Variants in HPSE2 observed in about 807,000 individuals in gnomAD.
HPSE2 encodes heparanase 2 (inactive).
Under a neutral mutation model 60.5 loss-of-function variants are expected in HPSE2, and 38 were observed. That is an observed-to-expected ratio of 0.63 (90% CI 0.48 to 0.82). The LOEUF (loss-of-function observed/expected upper bound fraction) is 0.82, where lower values mean the gene tolerates loss of function less well. Ranked by LOEUF, HPSE2 falls within the 40% of genes least tolerant of loss-of-function variation. The probability of loss-of-function intolerance (pLI) is 0.00; values close to 1 mark genes in which losing one functional copy is unlikely to be tolerated. For missense variants in HPSE2, 713 were observed against 740.4 expected (o/e 0.96, Z 0.43); for synonymous variants, 295 against 293.2 (o/e 1.01, Z -0.06).
chr10:98,802,782 C>T (rs1410974082), intron 3 of HPSE2, among the ~76,000 whole-genome samples: 15 of 140,660 alleles, frequency 1.1e-4, no homozygotes, highest in Admixed American at 3.6e-4. Flanking sequence ...AATAAACATA[C>T]GTGTGCATGT....
intron 5 of HPSE2, among the ~76,000 whole-genome samples, chr10:98,694,429 C>G (rs968598756): frequency 6.6e-5 from 10 of 152,144 alleles, no homozygotes; most frequent in African/African-American, 2.4e-4. Context: ...TAAAAAGTAC[C>G]ATCAAATATG....
intron 3 of HPSE2, among the ~76,000 whole-genome samples, chr10:99,073,292 G>A (rs1842857219): frequency 6.6e-6 from 1 of 152,154 alleles, no homozygotes; most frequent in Non-Finnish European, 1.5e-5. Context: ...ATACTATGCA[G>A]CCATAAAAAG....
intron 3 of HPSE2, among the ~76,000 whole-genome samples, chr10:98,816,993 C>T (rs1449117707): frequency 6.6e-6 from 1 of 151,998 alleles, no homozygotes; most frequent in East Asian, 1.9e-4. Context: ...ACAAAGAGCC[C>T]CTTGTGCTCT....
intron 7 of HPSE2, among the ~76,000 whole-genome samples, chr10:98,636,352 G>A (rs967330521): frequency 2.0e-5 from 3 of 151,766 alleles, no homozygotes; most frequent in Non-Finnish European, 4.4e-5. Flanking sequence ...TGATTCTCCT[G>A]CCTCAGCCAC....
At chr10:98,827,630 C>G (rs954303302) in intron 3 of HPSE2, among the ~76,000 whole-genome samples, 2 of 152,132 alleles carry the variant, frequency 1.3e-5, no homozygotes, top group African/African-American at 2.4e-5. Flanking sequence ...AAAGGGGAAA[C>G]AGTAATGGTA....
intron 11 of HPSE2, among the ~76,000 whole-genome samples, chr10:98,467,816 G>A (rs1372655693): frequency 6.6e-6 from 1 of 152,272 alleles, no homozygotes; most frequent in Non-Finnish European, 1.5e-5. Context: ...TTGCGGTCCC[G>A]TTGGCAAGGG....
At chr10:99,081,445 C>A (rs539995021) in intron 3 of HPSE2, among the ~76,000 whole-genome samples, 2 of 152,136 alleles carry the variant, frequency 1.3e-5, no homozygotes, top group South Asian at 4.2e-4. Context: ...ATCTGCAAAA[C>A]AGGAATAATG....
chr10:99,272,592 C>G, the HPSE2 span, among the ~76,000 whole-genome samples: 6 of 151,756 alleles, frequency 4.0e-5, no homozygotes, highest in African/African-American at 1.5e-4. Context: ...AAAAAAATCC[C>G]ATCAAAAAGT....
At chr10:98,742,974 C>CTTTTTTTT (rs35772316) in intron 4 of HPSE2, among the ~76,000 whole-genome samples, 1 of 99,780 alleles carries the variant, frequency 1.0e-5, no homozygotes, top group Non-Finnish European at 2.1e-5. Flanking sequence ...CTTTTCTTTT[C>CTTTTTTTT]TTTTTTTTTT....
chr10:98,464,224 A>AT (rs1029780428), intron 11 of HPSE2, among the ~76,000 whole-genome samples: 3 of 152,140 alleles, frequency 2.0e-5, no homozygotes, highest in Non-Finnish European at 4.4e-5. Context: ...TTCCCAATAG[A>AT]TTTTTTTTGG....
chr10:99,198,871 C>T (rs566454977), intron 2 of HPSE2, among the ~76,000 whole-genome samples: 1 of 152,186 alleles, frequency 6.6e-6, no homozygotes, highest in African/African-American at 2.4e-5. Flanking sequence ...TACCTGGAAA[C>T]CACCATTCTA....
At chr10:98,962,552 T>C (rs566024028) in intron 3 of HPSE2, among the ~76,000 whole-genome samples, 3 of 151,286 alleles carry the variant, frequency 2.0e-5, no homozygotes, top group East Asian at 3.9e-4. Flanking sequence ...ACCACTCCTA[T>C]TCAACATAGT....
At chr10:99,153,375 C>G (rs11528143) in intron 2 of HPSE2, among the ~76,000 whole-genome samples, 77,411 of 152,000 alleles carry the variant, frequency 0.51, 21,518 homozygotes, top group East Asian at 0.65. Context: ...GAAGAGAGCA[C>G]TGGTTCTCCC....
intron 3 of HPSE2, among the ~76,000 whole-genome samples, chr10:99,130,255 G>A (rs1465248097): frequency 2.0e-5 from 3 of 151,970 alleles, no homozygotes; most frequent in Admixed American, 6.6e-5. Flanking sequence ...AAAGAAAGAG[G>A]TTCCCTTCCT....
At chr10:99,053,354 C>T (rs1286723738) in intron 3 of HPSE2, among the ~76,000 whole-genome samples, 1 of 148,026 alleles carries the variant, frequency 6.8e-6, no homozygotes, top group African/African-American at 2.4e-5. Flanking sequence ...TCTAGAGCAA[C>T]CACTAAAAAA....
At chr10:99,033,828 C>G (rs115450874) in intron 3 of HPSE2, among the ~76,000 whole-genome samples, 1 of 151,606 alleles carries the variant, frequency 6.6e-6, no homozygotes, top group Non-Finnish European at 1.5e-5. Flanking sequence ...CAACAGCAGG[C>G]GCTATAAAGG....
intron 9 of HPSE2, among the ~76,000 whole-genome samples, chr10:98,506,805 G>A (rs894629871): frequency 5.3e-5 from 8 of 152,018 alleles, no homozygotes; most frequent in African/African-American, 7.3e-5. Context: ...GTGCTTCTAC[G>A]TTTTTCTTCT....
At chr10:98,908,433 C>T (rs1318643949) in intron 3 of HPSE2, among the ~76,000 whole-genome samples, 20 of 152,028 alleles carry the variant, frequency 1.3e-4, no homozygotes, top group Non-Finnish European at 2.9e-4. Context: ...CCTGTTATCC[C>T]AGCACTTTGT....
intron 7 of HPSE2, among the ~76,000 whole-genome samples, chr10:98,633,367 T>G (rs1225303740): frequency 6.6e-6 from 1 of 151,932 alleles, no homozygotes; most frequent in Non-Finnish European, 1.5e-5. Context: ...GCCCAGCTAA[T>G]GTTTGTTTTC....
Sources: allele counts gnomAD v4.1 joint callset (sites outside exome capture counted in the v4.1 genomes callset), GRCh38; gene constraint gnomAD v4.1.1; transcripts MANE v1.5; gene names NCBI Gene and HGNC (gene_info 2026-07-23, HGNC 2026-07-21).